STPG2: variants seen among roughly 807,000 people sequenced by gnomAD.
The protein encoded by STPG2 is sperm tail PG-rich repeat containing 2, also known as sperm-tail PG-rich repeat-containing protein 2.
STPG2 carries 56 observed loss-of-function variants against 54.2 expected under a neutral mutation model. The ratio of observed to expected loss-of-function variants is 1.03; its 90% CI spans 0.83 to 1.29. STPG2 has a LOEUF of 1.29. Ranked by LOEUF, STPG2 falls within the 50% of genes most tolerant of loss-of-function variation. STPG2 has a pLI of 0.00. For missense variants in STPG2, 596 were observed against 544.9 expected (o/e 1.09, Z -0.93); for synonymous variants, 200 against 181.8 (o/e 1.10, Z -0.81).
intron 10 of STPG2, among the ~76,000 whole-genome samples, chr4:97,692,228 A>G (rs1723390045): frequency 6.6e-6 from 1 of 151,654 alleles, no homozygotes. Context: ...TTGACCATTA[A>G]GCTAATCAAG....
At chr4:97,852,561 C>T (rs970533242) in intron 8 of STPG2, among the ~76,000 whole-genome samples, 1 of 152,174 alleles carries the variant, frequency 6.6e-6, no homozygotes, top group Admixed American at 6.5e-5. Context: ...TATTTGGAAG[C>T]TGCCTCCAAA....
At chr4:97,591,615 A>G (rs1733149114) in intron 10 of STPG2, among the ~76,000 whole-genome samples, 1 of 152,190 alleles carries the variant, frequency 6.6e-6, no homozygotes. Flanking sequence ...ATAGAGGGAT[A>G]AAATTCTGAC....
intron 5 of STPG2, among the ~76,000 whole-genome samples, chr4:98,070,418 T>C (rs1737964236): frequency 6.6e-6 from 1 of 151,976 alleles, no homozygotes; most frequent in Non-Finnish European, 1.5e-5. Context: ...TCATACTGAA[T>C]GGGCAAAAGC....
chr4:97,768,180 A>AT (rs10692436), intron 9 of STPG2, among the ~76,000 whole-genome samples: 9 of 151,894 alleles, frequency 5.9e-5, no homozygotes, highest in Non-Finnish European at 1.2e-4. Flanking sequence ...AAAAAAAAAA[A>AT]CATAAGAGTT....
At chr4:97,937,502 C>A (rs986984745) in intron 8 of STPG2, among the ~76,000 whole-genome samples, 1 of 152,162 alleles carries the variant, frequency 6.6e-6, no homozygotes, top group African/African-American at 2.4e-5. Context: ...AATTCTTTCT[C>A]ATCTTCGTGA....
intron 2 of STPG2, among the ~76,000 whole-genome samples, chr4:98,133,449 G>A (rs1740054588): frequency 6.6e-6 from 1 of 151,940 alleles, no homozygotes; most frequent in African/African-American, 2.4e-5. Context: ...CAGCTTTTAA[G>A]AAATATACCA....
At chr4:97,570,729 G>A (rs1008034387) in intron 10 of STPG2, among the ~76,000 whole-genome samples, 1 of 151,990 alleles carries the variant, frequency 6.6e-6, no homozygotes, top group Non-Finnish European at 1.5e-5. Context: ...CCCCCAAGTT[G>A]CTGCCTCAAC....
At chr4:97,680,614 C>T (rs1354559866) in intron 10 of STPG2, among the ~76,000 whole-genome samples, 1 of 151,930 alleles carries the variant, frequency 6.6e-6, no homozygotes, top group Non-Finnish European at 1.5e-5. Flanking sequence ...AATTGAATAC[C>T]CTTTATTTCC....
intron 9 of STPG2, among the ~76,000 whole-genome samples, chr4:97,737,617 G>A (rs1413071890): frequency 2.6e-5 from 4 of 152,182 alleles, no homozygotes; most frequent in Non-Finnish European, 5.9e-5. Flanking sequence ...ATCAGTGATG[G>A]AAGATGAAAT....
chr4:98,127,711 A>C (rs896562192), intron 3 of STPG2, among the ~76,000 whole-genome samples: 3 of 152,190 alleles, frequency 2.0e-5, no homozygotes, highest in Non-Finnish European at 4.4e-5. Context: ...CATGGATAAC[A>C]CATACATTTC....
intron 3 of STPG2, among the ~76,000 whole-genome samples, chr4:98,114,676 A>G (rs10516426): frequency 0.39 from 59,876 of 151,600 alleles, 12,070 homozygotes; most frequent in Middle Eastern, 0.46. Context: ...CAATTCTAAT[A>G]GTAATCCAGT....
chr4:97,797,516 A>C lies in STPG2; in HGVS notation c.1204+43257T>G, dbSNP rs192716564. Among the ~76,000 whole-genome samples the C allele has an allele frequency of 9.2e-5, 14 of 152,256 alleles. No homozygotes were observed. In the East Asian group the frequency reaches 1.2e-3, roughly 13 times the overall value. On this transcript the variant is annotated intron_variant, in intron 9 of 10. Transcript: ENST00000295268. ...TATTGATTTGCCTATGTTGAACCAG[A>C]CTTGCATCCCAGGGATGAAGCCCAC...
At chr4:97,567,803 A>G (rs1337691123) in intron 10 of STPG2, among the ~76,000 whole-genome samples, 2 of 152,178 alleles carry the variant, frequency 1.3e-5, no homozygotes, top group African/African-American at 2.4e-5. Flanking sequence ...GTATATGTGT[A>G]TAGCATATGT....
intron 5 of STPG2, among the ~76,000 whole-genome samples, chr4:98,068,304 T>C (rs2110105279): frequency 6.6e-6 from 1 of 152,268 alleles, no homozygotes; most frequent in East Asian, 1.9e-4. Context: ...ATTTAAACTC[T>C]AAAAACCCTA....
chr4:98,072,434 T>A (rs549920416), intron 5 of STPG2, among the ~76,000 whole-genome samples: 8 of 152,136 alleles, frequency 5.3e-5, no homozygotes, highest in African/African-American at 1.9e-4. Flanking sequence ...GCATCAGGAA[T>A]AACAGCTAAT....
chr4:97,590,811 A>G (rs182577130), intron 10 of STPG2, among the ~76,000 whole-genome samples: 1 of 152,296 alleles, frequency 6.6e-6, no homozygotes, highest in East Asian at 1.9e-4. Flanking sequence ...CTACAACACA[A>G]GAAATTAGAG....
chr4:97,847,353 G>A (rs1201532369), intron 8 of STPG2, among the ~76,000 whole-genome samples: 1 of 151,954 alleles, frequency 6.6e-6, no homozygotes, highest in Non-Finnish European at 1.5e-5. Flanking sequence ...GACTTAGAAA[G>A]GAATGTGTTA....
intron 9 of STPG2, among the ~76,000 whole-genome samples, chr4:97,740,889 A>T (rs1006284200): frequency 6.6e-5 from 10 of 152,198 alleles, no homozygotes; most frequent in Non-Finnish European, 1.5e-4. Context: ...GAACCAAAAA[A>T]GAGCCCGCAT....
At chr4:97,757,701 T>C (rs759609251) in intron 9 of STPG2, among the ~76,000 whole-genome samples, 3 of 152,204 alleles carry the variant, frequency 2.0e-5, no homozygotes, top group Non-Finnish European at 4.4e-5. Context: ...AATATATTCA[T>C]GCATTATTAA....
Sources: allele counts gnomAD v4.1 joint callset (sites outside exome capture counted in the v4.1 genomes callset), GRCh38; gene constraint gnomAD v4.1.1; transcripts MANE v1.5; gene names NCBI Gene and HGNC (gene_info 2026-07-23, HGNC 2026-07-21).